The following SNCAIP variants were observed in gnomAD, a reference collection of about 807,000 sequenced individuals.
SNCAIP encodes the protein synphilin-1.
In SNCAIP, 43 loss-of-function variants were observed where a neutral mutation model predicts 86.7. The ratio of observed to expected loss-of-function variants is 0.50; its 90% CI spans 0.39 to 0.64. SNCAIP has a LOEUF of 0.64. Among genes scored for constraint, SNCAIP ranks in the 30% least tolerant of loss-of-function variants. The pLI is 0.00. For synonymous variants in SNCAIP, 417 were observed against 427.2 expected, an observed-to-expected ratio of 0.98 and a Z score of 0.29; for missense variants, 981 against 1,103.1, an observed-to-expected ratio of 0.89 and a Z score of 1.57.
chr5:122,420,598 T>C (rs1427647460), intron 3 of SNCAIP, among the ~76,000 whole-genome samples: 3 of 152,038 alleles, frequency 2.0e-5, no homozygotes, highest in Non-Finnish European at 4.4e-5. Flanking sequence ...TTTTTTTCCA[T>C]TTTATTTAAA....
chr5:122,360,357 G>C (rs1761966996), intron 1 of SNCAIP, among the ~76,000 whole-genome samples: 4 of 152,164 alleles, frequency 2.6e-5, no homozygotes, highest in Admixed American at 2.6e-4. Context: ...TGGCTCCTCA[G>C]CCTGCCCCAG....
At chr5:122,430,233 C>T (rs1422613843) in intron 5 of SNCAIP, among the ~76,000 whole-genome samples, 1 of 152,202 alleles carries the variant, frequency 6.6e-6, no homozygotes, top group African/African-American at 2.4e-5. Flanking sequence ...ATGCTACCCT[C>T]AGTGAAGCCT....
rs182081848 is a variant in SNCAIP at position 122,352,824 on chromosome 5, G to A, written c.-46-38265G>A. The stretch of plus-strand genomic sequence containing the variant: ...CGGGAATTCAAGACCAGCCTAGGCA[G>A]CACAGTGAGACCCTCATCTCTACAA... On this transcript the variant is annotated intron_variant, in intron 1 of 10. Transcript: ENST00000261368. 4.6e-5 allele frequency among the ~76,000 whole-genome samples: 7 copies of A among 152,278 alleles called. No homozygotes were observed. In the East Asian group the frequency reaches 1.4e-3, roughly 29 times the overall value.
chr5:122,451,338 G>C lies in SNCAIP; in HGVS notation c.2491G>C (p.Glu831Gln), dbSNP rs1034442894. 4 of 1,614,022 alleles carry C rather than the reference G, an allele frequency of 2.5e-6. No individual in the cohort carries two copies. The African/African-American group carries it at 4.0e-5, about 16-fold the overall frequency. The change falls in exon 10 of 11, where the codon GAA becomes CAA. Residue 831 changes from glutamate (E) to glutamine (Q), a missense_variant. Physicochemically the swap from Glu to Gln is conservative, Grantham distance 29. Transcript: ENST00000261368. Reference protein sequence around the residue: ...PVVQMEQPSLELNGEKDKDKG... With the variant: ...PVVQMEQPSLQLNGEKDKDKG... ...GGTGCAGATGGAGCAGCCTAGCCTT[G>C]AACTGAATGGAGAAAAAGACAAAGA...
chr5:122,391,524 G>C (rs1769359831), intron 2 of SNCAIP, among the ~76,000 whole-genome samples: 1 of 152,152 alleles, frequency 6.6e-6, no homozygotes, highest in African/African-American at 2.4e-5. Context: ...CTCTTATGTG[G>C]CTGGCTATTC....
rs548354952 is a variant in SNCAIP at position 122,427,999 on chromosome 5, T to C, written c.1182+2468T>C. Among the ~76,000 whole-genome samples the C allele has an allele frequency of 3.3e-5, 5 of 152,292 alleles. No homozygotes were observed. In the East Asian group the frequency reaches 9.6e-4, roughly 29 times the overall value. ...TACATACTGTGGGAGTTCAGGGTAT[T>C]ATTGAGTTTTCTTTAGAAATGATTA... On this transcript the variant is annotated intron_variant, in intron 5 of 10. Transcript: ENST00000261368.
At position 122,451,520 on chromosome 5, in the gene SNCAIP, A is replaced by G; in HGVS notation, c.2673A>G (p.Thr891=). ...CAGCCAACCAGCTGAAAACCTCTAC[A>G]TTGCCCTTGACCTCACTTGGGAGGA... ...YQAANQLKTS[T]LPLTSLGRKT... The change falls in exon 10 of 11, where the codon ACA becomes ACG. Residue 891 remains threonine (T), a synonymous_variant. Coordinates refer to ENST00000261368, the MANE Select transcript of SNCAIP (RefSeq NM_005460.4). 6.2e-7 allele frequency: 1 copy of G among 1,613,788 alleles called. No individual in the cohort carries two copies. The highest frequency in any genetic ancestry group is 8.5e-7 in the Non-Finnish European group (1 of 1,179,988).
At chr5:122,421,692 G>T (rs1461016480) in intron 3 of SNCAIP, among the ~76,000 whole-genome samples, 3 of 152,174 alleles carry the variant, frequency 2.0e-5, no homozygotes, top group African/African-American at 7.2e-5. Flanking sequence ...GATGGGGGAT[G>T]ATAGGAACTA....
chr5:122,362,984 A>G (rs1314060396), intron 1 of SNCAIP, among the ~76,000 whole-genome samples: 1 of 151,012 alleles, frequency 6.6e-6, no homozygotes, highest in Non-Finnish European at 1.5e-5. Flanking sequence ...GTCAGGTATC[A>G]TAAATTCTAT....
In SNCAIP at chr5:122,451,451, G is replaced by A; in HGVS notation, c.2604G>A (p.Met868Ile). 6.2e-7 allele frequency: 1 copy of A among 1,613,988 alleles called. No homozygotes were observed. The highest frequency in any genetic ancestry group is 8.5e-7 in the Non-Finnish European group (1 of 1,179,990). The change falls in exon 10 of 11, where the codon ATG becomes ATA. Residue 868 changes from methionine (M) to isoleucine (I), a missense_variant. Transcript: ENST00000261368. ...KRPFGAFRSI[M>I]ETLSGNQNNN... is the part of the protein sequence containing the mutation. ...CTTTTGGAGCCTTTCGATCTATCAT[G>A]GAGACACTAAGTGGCAACCAAAACA...
chr5:122,392,706 G>A (rs1769675096), intron 2 of SNCAIP, among the ~76,000 whole-genome samples: 1 of 152,166 alleles, frequency 6.6e-6, no homozygotes, highest in Non-Finnish European at 1.5e-5. Flanking sequence ...ACTCTTACTG[G>A]CTGAATAGCA....
chr5:122,455,656 G>A (rs1784595449), intron 10 of SNCAIP, among the ~76,000 whole-genome samples: 1 of 151,424 alleles, frequency 6.6e-6, no homozygotes, highest in South Asian at 2.1e-4. Context: ...TTCCATTTTA[G>A]TTAAAAGAAA....
intron 1 of SNCAIP, among the ~76,000 whole-genome samples, chr5:122,354,659 C>T (rs190522886): frequency 4.6e-5 from 7 of 152,238 alleles, no homozygotes; most frequent in South Asian, 2.1e-4. Context: ...TTATGTGACT[C>T]GGGTTATATG....
intron 4 of SNCAIP, among the ~76,000 whole-genome samples, chr5:122,425,020 G>A (rs753701609): frequency 2.6e-5 from 4 of 152,144 alleles, no homozygotes; most frequent in Non-Finnish European, 4.4e-5. Context: ...AGCCCTCAAG[G>A]ACTTCACAAT....
intron 3 of SNCAIP, among the ~76,000 whole-genome samples, chr5:122,407,051 G>A (rs1053799874): frequency 6.6e-6 from 1 of 152,082 alleles, no homozygotes; most frequent in Non-Finnish European, 1.5e-5. Context: ...TCTGGCCCAG[G>A]TACTGAGGAC....
chr5:122,460,441 G>T (rs972600635), intron 10 of SNCAIP, among the ~76,000 whole-genome samples: 4 of 152,104 alleles, frequency 2.6e-5, no homozygotes, highest in Non-Finnish European at 5.9e-5. Flanking sequence ...TTTTAACAAT[G>T]ATCCAAATGT....
chr5:122,398,572 C>A (rs1432641364), intron 2 of SNCAIP, among the ~76,000 whole-genome samples: 1 of 152,070 alleles, frequency 6.6e-6, no homozygotes, highest in African/African-American at 2.4e-5. Flanking sequence ...GAGATACCTG[C>A]CTGAATTTTG....
intron 6 of SNCAIP, among the ~76,000 whole-genome samples, chr5:122,433,962 A>T (rs1201552213): frequency 6.6e-6 from 1 of 152,210 alleles, no homozygotes; most frequent in Non-Finnish European, 1.5e-5. Context: ...ACAAGGGTAA[A>T]CAATCAATAC....
At chr5:122,389,328 G>T (rs1015359990) in intron 1 of SNCAIP, 2 of 152,124 alleles carry the variant, frequency 1.3e-5, no homozygotes, top group Admixed American at 6.5e-5. Context: ...AGCATCATCT[G>T]TGTGTTGTTC....
Sources: gnomAD v4.1 joint callset for allele counts (sites outside exome capture counted in the v4.1 genomes callset) on GRCh38, gnomAD v4.1.1 for gene constraint, MANE v1.5 for transcripts, NCBI Gene and HGNC (gene_info 2026-07-23, HGNC 2026-07-21) for gene names.